SPATS2: variants seen among roughly 807,000 people sequenced by gnomAD.
SPATS2 encodes the protein spermatogenesis associated serine rich 2.
In SPATS2, 38 loss-of-function variants were observed where a neutral mutation model predicts 63.7. That is an observed-to-expected ratio of 0.60 (90% confidence interval 0.46 to 0.78). The LOEUF (loss-of-function observed/expected upper bound fraction) is 0.78, where lower values mean the gene tolerates loss of function less well. Among genes scored for constraint, SPATS2 ranks in the 30% least tolerant of loss-of-function variants. The pLI is 0.00. For missense variants in SPATS2, 588 were observed against 666.2 expected, an observed-to-expected ratio of 0.88 and a Z score of 1.29; for synonymous variants, 207 against 232.9, an observed-to-expected ratio of 0.89 and a Z score of 1.01.
At chr12:49,503,366 A>G (rs1946599743) in intron 9 of SPATS2, among the ~76,000 whole-genome samples, 1 of 145,338 alleles carries the variant, frequency 6.9e-6, no homozygotes. Context: ...CAAAGAAAAA[A>G]GAGCTGGGCG....
At chr12:49,392,237 T>G (rs1944429922) in intron 2 of SPATS2, among the ~76,000 whole-genome samples, 1 of 143,262 alleles carries the variant, frequency 7.0e-6, no homozygotes, top group Non-Finnish European at 1.5e-5. Context: ...TTCCATCCTA[T>G]TTTTTTTTTT....
intron 2 of SPATS2, among the ~76,000 whole-genome samples, chr12:49,398,707 CT>C (rs1279003883): frequency 2.0e-5 from 3 of 152,062 alleles, no homozygotes; most frequent in Non-Finnish European, 4.4e-5. Flanking sequence ...TACGGATATT[CT>C]TTTTTTCCCC....
rs1360513739 is a variant in SPATS2, at chr12:49,479,941, TGACTTTGGGC to T, written c.26-4648_26-4639del. Among the ~76,000 whole-genome samples the T allele has an allele frequency of 2.6e-5, 4 of 152,218 alleles. No homozygotes were observed. In the East Asian group the frequency reaches 7.7e-4, roughly 29 times the overall value. ...TGATTCTACAGTAGGATTTACTGTG[TGACTTTGGGC>T]AAGGAGTAGTACCGTGACTGATTTT... On this transcript the variant is annotated intron_variant, in intron 3 of 13. Coordinates refer to ENST00000552918, the MANE Select transcript of SPATS2 (RefSeq NM_023071.4).
At chr12:49,509,273 CTTTTTT>C (rs1186617900) in intron 9 of SPATS2, among the ~76,000 whole-genome samples, 1 of 77,804 alleles carries the variant, frequency 1.3e-5, no homozygotes. Flanking sequence ...GTTCTAACTT[CTTTTTT>C]TTTTTTTTTT....
At chr12:49,512,988 A>G in intron 9 of SPATS2, 1 of 1,144,494 alleles carries the variant, frequency 8.7e-7, no homozygotes, top group South Asian at 1.3e-5. Context: ...TTGGATTAAT[A>G]TGTCAACCAA....
chr12:49,445,803 G>A (rs1232494122), intron 2 of SPATS2, among the ~76,000 whole-genome samples: 2 of 152,226 alleles, frequency 1.3e-5, no homozygotes, highest in East Asian at 3.9e-4. Flanking sequence ...TTATAGACAG[G>A]CGTGAGCCAT....
intron 2 of SPATS2, among the ~76,000 whole-genome samples, chr12:49,401,072 T>TTAC (rs1944597409): frequency 6.6e-6 from 1 of 151,994 alleles, no homozygotes. Context: ...AGACAAAGTC[T>TTAC]TACTATGTTG....
chr12:49,524,156 T>G (rs896091018), intron 12 of SPATS2, among the ~76,000 whole-genome samples: 3 of 152,244 alleles, frequency 2.0e-5, no homozygotes, highest in African/African-American at 7.2e-5. Context: ...TTTGGCAATA[T>G]ACATGTTTGT....
At chr12:49,480,867 T>G (rs1946194593) in intron 3 of SPATS2, among the ~76,000 whole-genome samples, 1 of 152,114 alleles carries the variant, frequency 6.6e-6, no homozygotes, top group Non-Finnish European at 1.5e-5. Flanking sequence ...AAATTAATTC[T>G]AAAACACTTA....
intron 2 of SPATS2, among the ~76,000 whole-genome samples, chr12:49,460,027 G>T (rs1000011751): frequency 3.9e-4 from 59 of 151,732 alleles, no homozygotes; most frequent in African/African-American, 1.4e-3. Flanking sequence ...AGAATCGCTT[G>T]AACCTGGGAG....
chr12:49,436,904 G>C (rs1246260708), intron 2 of SPATS2, among the ~76,000 whole-genome samples: 1 of 143,492 alleles, frequency 7.0e-6, no homozygotes, highest in Non-Finnish European at 1.5e-5. Flanking sequence ...CTGGCCGGGC[G>C]GGGGGATGAC....
intron 9 of SPATS2, among the ~76,000 whole-genome samples, chr12:49,507,400 C>T (rs1281743252): frequency 6.6e-6 from 1 of 152,184 alleles, no homozygotes; most frequent in East Asian, 1.9e-4. Context: ...GGACCACACA[C>T]AGTCTAGCTG....
chr12:49,511,062 G>A (rs766031756), intron 9 of SPATS2, among the ~76,000 whole-genome samples: 32 of 151,952 alleles, frequency 2.1e-4, no homozygotes, highest in Non-Finnish European at 1.6e-4. Context: ...TTAGCTGGGC[G>A]TGGTGCCACG....
chr12:49,504,845 T>C (rs1946630759), intron 9 of SPATS2, among the ~76,000 whole-genome samples: 1 of 143,126 alleles, frequency 7.0e-6, no homozygotes, highest in Admixed American at 7.0e-5. Context: ...CGTGTCTCAC[T>C]ACAGCCTCCC....
intron 2 of SPATS2, among the ~76,000 whole-genome samples, chr12:49,439,136 TAGG>T (rs1565722761): frequency 6.6e-6 from 1 of 152,160 alleles, no homozygotes; most frequent in Non-Finnish European, 1.5e-5. Context: ...CATGTGAATC[TAGG>T]AGAAGAGCAT....
chr12:49,486,786 A>G (rs1946302134), intron 4 of SPATS2, among the ~76,000 whole-genome samples: 1 of 151,866 alleles, frequency 6.6e-6, no homozygotes, highest in Non-Finnish European at 1.5e-5. Context: ...GTCAAAAAAA[A>G]AAAAAAGAAA....
chr12:49,449,692 G>A (rs1241264124), intron 2 of SPATS2, among the ~76,000 whole-genome samples: 1 of 152,170 alleles, frequency 6.6e-6, no homozygotes, highest in Admixed American at 6.6e-5. Context: ...ATGGAAGCAG[G>A]CAAGAAAGTT....
chr12:49,487,707 C>T (rs1010453487), intron 4 of SPATS2, among the ~76,000 whole-genome samples: 3 of 152,124 alleles, frequency 2.0e-5, no homozygotes, highest in Admixed American at 6.5e-5. Context: ...AAGCAGTCCT[C>T]CCGCCTCACC....
intron 8 of SPATS2, 148 bp from the exon 9 acceptor site, chr12:49,499,922 A>G (rs1344819024): frequency 3.7e-6 from 2 of 544,850 alleles, no homozygotes; most frequent in East Asian, 7.3e-5. Context: ...AAATCTATAA[A>G]AACATGTTTT....
Sources: gnomAD v4.1 joint callset for allele counts (sites outside exome capture counted in the v4.1 genomes callset) on GRCh38, gnomAD v4.1.1 for gene constraint, MANE v1.5 for transcripts, NCBI Gene and HGNC (gene_info 2026-07-23, HGNC 2026-07-21) for gene names.